The following CERS3 variants were observed in gnomAD, a reference collection of about 807,000 sequenced individuals.
The protein encoded by CERS3 is ceramide synthase 3, also known as LAG1 homolog, ceramide synthase 3.
CERS3 carries 33 observed loss-of-function variants against 50.3 expected under a neutral mutation model. That is an observed-to-expected ratio of 0.66 (90% CI 0.50 to 0.88). The LOEUF (loss-of-function observed/expected upper bound fraction) is 0.88, where lower values mean the gene tolerates loss of function less well. Among genes scored for constraint, CERS3 ranks in the 40% least tolerant of loss-of-function variants. CERS3 has a pLI of 0.00. For synonymous variants in CERS3, 176 were observed against 155.2 expected (o/e 1.13, Z -0.99); for missense variants, 470 against 460.3 (o/e 1.02, Z -0.19).
intron 4 of CERS3, among the ~76,000 whole-genome samples, chr15:100,490,461 G>A (rs1292320764): frequency 6.6e-6 from 1 of 151,932 alleles, no homozygotes; most frequent in Admixed American, 6.6e-5. Flanking sequence ...TGTCAGATAT[G>A]GGCTTCTCTG....
chr15:100,519,114 G>A (rs1012433811), intron 2 of CERS3, among the ~76,000 whole-genome samples: 3 of 151,732 alleles, frequency 2.0e-5, no homozygotes, highest in East Asian at 1.9e-4. Context: ...AGCTGAGATC[G>A]CGTCACTGTA....
chr15:100,434,588 G>C (rs569292771), intron 11 of CERS3, among the ~76,000 whole-genome samples: 1 of 152,202 alleles, frequency 6.6e-6, no homozygotes, highest in Non-Finnish European at 1.5e-5. Context: ...AGTAGGGGTG[G>C]GGAGATGGCC....
chr15:100,424,508 T>G (rs1188875785), intron 11 of CERS3, among the ~76,000 whole-genome samples: 1 of 152,186 alleles, frequency 6.6e-6, no homozygotes, highest in Non-Finnish European at 1.5e-5. Flanking sequence ...CAGATGGAGA[T>G]GAAGAACTTT....
intron 11 of CERS3, among the ~76,000 whole-genome samples, chr15:100,430,089 G>C (rs1261729291): frequency 6.6e-6 from 1 of 151,986 alleles, no homozygotes; most frequent in East Asian, 1.9e-4. Flanking sequence ...GAGGTGGGCG[G>C]ATCACGAGGT....
chr15:100,518,946 C>T (rs990576605), intron 2 of CERS3, among the ~76,000 whole-genome samples: 1 of 152,060 alleles, frequency 6.6e-6, no homozygotes, highest in East Asian at 1.9e-4. Context: ...GGCAGATCAC[C>T]AGGTCAGGAG....
At chr15:100,430,258 G>A (rs1555522164) in intron 11 of CERS3, among the ~76,000 whole-genome samples, 3 of 151,644 alleles carry the variant, frequency 2.0e-5, no homozygotes, top group East Asian at 1.9e-4. Context: ...CTTGCAGTGA[G>A]CCGAGATCAC....
Position 100,535,728 on chromosome 15 carries a change from A to G in CERS3, c.-354-6653T>C, listed in dbSNP as rs184305256. Among the ~76,000 whole-genome samples the G allele has an allele frequency of 1.7e-4, 16 of 94,908 alleles. 1 individual carries two copies. Among genetic ancestry groups the G allele is most frequent in the Admixed American group, 3.9e-4 (3 of 7,646 alleles). 62.3% of individuals were successfully genotyped at this position (94,908 alleles called of 152,430 possible). A position where few individuals can be genotyped will look rare whatever the true frequency, so the allele number is the denominator to read the frequency against. ...GTGCATGTGAAGTGGGGATATCCCTATGCTCATATGTGCACGGGAAGTGGG... is the reference window on the plus strand; with the variant it reads ...GTGCATGTGAAGTGGGGATATCCCTGTGCTCATATGTGCACGGGAAGTGGG... On this transcript the variant is annotated intron_variant, in intron 1 of 12. Coordinates refer to the CERS3 transcript ENST00000284382.
Position 100,402,781 on chromosome 15 carries a change from T to C in CERS3, c.1084A>G (p.Met362Val), listed in dbSNP as rs1394816253. The C allele has an allele frequency of 1.4e-5, 22 of 1,614,196 alleles. No homozygotes were observed. The highest frequency in any genetic ancestry group is 1.9e-5 in the Non-Finnish European group (22 of 1,180,022). Residue 362 changes from methionine (M) to valine (V), a missense_variant, in exon 12 of 12, where the codon ATG (methionine) becomes GTG (valine). Met to Val is a conservative substitution (Grantham distance 21). Transcript: ENST00000679737. ...CTGAGGCCGTTCTTTAAACAATCCA[T>C]CTCTTTGCCTTTGGTAGCCTCTTCT... ...EEEEATKGKEMDCLKNGLRAE... is the reference protein window; with the variant it reads ...EEEEATKGKEVDCLKNGLRAE...
chr15:100,452,191 A>G (rs913888015), intron 11 of CERS3, among the ~76,000 whole-genome samples: 5 of 152,042 alleles, frequency 3.3e-5, no homozygotes, highest in African/African-American at 1.2e-4. Context: ...TCATCAGCAC[A>G]TGGGACATTC....
intron 11 of CERS3, among the ~76,000 whole-genome samples, chr15:100,404,892 A>G (rs1438024282): frequency 6.6e-6 from 1 of 152,234 alleles, no homozygotes; most frequent in East Asian, 1.9e-4. Context: ...TTTTCAACAA[A>G]TGGTCAGAGC....
chr15:100,472,013 A>C (rs1354882235), intron 9 of CERS3, among the ~76,000 whole-genome samples: 2 of 152,222 alleles, frequency 1.3e-5, no homozygotes, highest in Non-Finnish European at 2.9e-5. Context: ...AGCCCACAAA[A>C]CTAAATTTAC....
intron 11 of CERS3, among the ~76,000 whole-genome samples, chr15:100,444,243 A>G (rs1485932203): frequency 6.6e-6 from 1 of 151,726 alleles, no homozygotes; most frequent in Non-Finnish European, 1.5e-5. Flanking sequence ...TCCAAAATCT[A>G]TTTTCTTCCT....
intron 11 of CERS3, among the ~76,000 whole-genome samples, chr15:100,405,289 A>G (rs2030926365): frequency 6.6e-6 from 1 of 152,034 alleles, no homozygotes; most frequent in Non-Finnish European, 1.5e-5. Flanking sequence ...CAAAAGGCAT[A>G]CAAAGAGACA....
rs61279156 is a variant in CERS3 at position 100,427,029 on chromosome 15, G to C, written c.1000-24164C>G. On this transcript the variant is annotated intron_variant, in intron 11 of 11. Coordinates refer to ENST00000679737, the MANE Select transcript of CERS3 (RefSeq NM_001378789.1). ...AGCTATATCAGATCTCTGTGGCCAG[G>C]CTCCAGATTCTGAGCTGACACGGGT... Among the ~76,000 whole-genome samples the C allele has an allele frequency of 1.2e-3, 179 of 152,260 alleles. 1 individual carries two copies. The East Asian group carries it at 0.025, about 21-fold the overall frequency.
intron 4 of CERS3, among the ~76,000 whole-genome samples, chr15:100,488,160 G>A (rs1311434486): frequency 6.6e-6 from 1 of 152,120 alleles, no homozygotes; most frequent in African/African-American, 2.4e-5. Context: ...TCTCACTGAG[G>A]CTCATGTGTA....
chr15:100,411,350 C>T lies in CERS3; in HGVS notation c.1000-8485G>A, dbSNP rs367596282. ...CTAATTTTTGTATTTTTAGTAGAGACGGGGTTTCACCATGTTGGCCAGGCT... is the reference window on the plus strand; with the variant it reads ...CTAATTTTTGTATTTTTAGTAGAGATGGGGTTTCACCATGTTGGCCAGGCT... On this transcript the variant is annotated intron_variant, in intron 11 of 11. Transcript: ENST00000679737. Among the ~76,000 whole-genome samples the T allele has an allele frequency of 9.3e-4, 142 of 152,004 alleles. No individual in the cohort carries two copies. In the South Asian group the frequency reaches 0.019, roughly 20 times the overall value.
At chr15:100,467,052 C>T (rs1287010230) in intron 10 of CERS3, among the ~76,000 whole-genome samples, 2 of 151,846 alleles carry the variant, frequency 1.3e-5, no homozygotes, top group Admixed American at 1.3e-4. Context: ...GATGGGGTTT[C>T]ACCATGTTGG....
At position 100,421,102 on chromosome 15, in the gene CERS3, G is replaced by A. The variant is rs990658626; in HGVS notation, c.1000-18237C>T. On this transcript the variant is annotated intron_variant, in intron 11 of 11. Transcript: ENST00000679737. Reference sequence around the variant, plus strand: ...GGCCAGGGCAATTAGGCAGGAGAAGGAAATAAAGGGTATTCAATTAGGAAA... The same window carrying A: ...GGCCAGGGCAATTAGGCAGGAGAAGAAAATAAAGGGTATTCAATTAGGAAA... Among the ~76,000 whole-genome samples, 8 of 151,076 alleles carry A rather than the reference G, an allele frequency of 5.3e-5. No homozygotes were observed. In the East Asian group the frequency reaches 9.7e-4, roughly 18 times the overall value.
intron 2 of CERS3, among the ~76,000 whole-genome samples, chr15:100,505,242 A>G (rs2587784): frequency 6.6e-6 from 1 of 152,110 alleles, no homozygotes; most frequent in Non-Finnish European, 1.5e-5. Context: ...TAGCTTGCTC[A>G]CCTGTAAAAC....
Sources: allele counts gnomAD v4.1 joint callset (sites outside exome capture counted in the v4.1 genomes callset), GRCh38; gene constraint gnomAD v4.1.1; transcripts MANE v1.5; gene names NCBI Gene and HGNC (gene_info 2026-07-23, HGNC 2026-07-21).